The following DLG2 variants were observed in gnomAD, a reference collection of about 807,000 sequenced individuals.
The protein encoded by DLG2 is disks large homolog 2.
Under a neutral mutation model 132.5 loss-of-function variants are expected in DLG2, and 45 were observed. The observed-to-expected ratio is 0.34, with a 90% CI of 0.27 to 0.44. DLG2 has a LOEUF of 0.44. Among genes scored for constraint, DLG2 ranks in the 20% least tolerant of loss-of-function variants. The probability of loss-of-function intolerance (pLI) is 1.00; values close to 1 mark genes in which losing one functional copy is unlikely to be tolerated. For missense variants in DLG2, 1,045 were observed against 1,196.9 expected, an observed-to-expected ratio of 0.87 and a Z score of 1.87; for synonymous variants, 424 against 419.6, an observed-to-expected ratio of 1.01 and a Z score of -0.13.
chr11:83,464,484 A>T (rs1413482854), intron 26 of DLG2, among the ~76,000 whole-genome samples: 1 of 152,184 alleles, frequency 6.6e-6, no homozygotes, highest in Admixed American at 6.5e-5. Flanking sequence ...TAAACATCCA[A>T]CCTTTAGTAG....
At chr11:85,436,585 T>G (rs1026245149) in intron 3 of DLG2, among the ~76,000 whole-genome samples, 1 of 152,046 alleles carries the variant, frequency 6.6e-6, no homozygotes, top group Non-Finnish European at 1.5e-5. Flanking sequence ...ATTAGAGAAA[T>G]GCAAATCCAA....
intron 18 of DLG2, among the ~76,000 whole-genome samples, chr11:83,672,866 GC>G (rs1244717191): frequency 1.3e-5 from 2 of 152,128 alleles, no homozygotes; most frequent in African/African-American, 4.8e-5. Flanking sequence ...TGTGAGACCA[GC>G]CTGACCAACA....
At chr11:83,956,275 G>T (rs1328917065) in intron 14 of DLG2, among the ~76,000 whole-genome samples, 1 of 152,158 alleles carries the variant, frequency 6.6e-6, no homozygotes. Context: ...ACTCAGAAAG[G>T]CTGTCACACC....
At chr11:84,487,069 C>T (rs187992783) in intron 7 of DLG2, among the ~76,000 whole-genome samples, 6 of 152,150 alleles carry the variant, frequency 3.9e-5, no homozygotes, top group East Asian at 1.9e-4. Flanking sequence ...AAATGTCTAG[C>T]GGTCATAGTT....
intron 15 of DLG2, among the ~76,000 whole-genome samples, chr11:83,879,935 A>G (rs894307640): frequency 1.3e-5 from 2 of 152,182 alleles, no homozygotes; most frequent in Admixed American, 1.3e-4. Context: ...TACCTAAGCT[A>G]TGTTTGGAAG....
At chr11:84,854,579 C>A (rs1286594448) in intron 6 of DLG2, among the ~76,000 whole-genome samples, 1 of 151,982 alleles carries the variant, frequency 6.6e-6, no homozygotes, top group East Asian at 1.9e-4. Flanking sequence ...TCCCAGTTAA[C>A]CCAAATCTTT....
chr11:85,417,208 G>C (rs931404481), intron 3 of DLG2, among the ~76,000 whole-genome samples: 4 of 152,084 alleles, frequency 2.6e-5, no homozygotes, highest in Admixed American at 6.6e-5. Context: ...TAATCATGTG[G>C]TTTTTGTCTT....
At chr11:83,580,845 C>T (rs2096960240) in intron 19 of DLG2, among the ~76,000 whole-genome samples, 1 of 118,408 alleles carries the variant, frequency 8.4e-6, no homozygotes, top group Non-Finnish European at 1.7e-5. Flanking sequence ...CTCCCCCATT[C>T]TCCCCTTCCC....
intron 21 of DLG2, 85 bp from the exon 22 acceptor site, chr11:83,484,313 AAGCAC>A (rs2137530444): frequency 2.1e-6 from 2 of 958,402 alleles, no homozygotes; most frequent in South Asian, 2.8e-5. Context: ...TAGTTTGTAA[AAGCAC>A]AGAGAGCTGT....
chr11:83,691,585 T>C (rs1199355770), intron 18 of DLG2, among the ~76,000 whole-genome samples: 3 of 152,174 alleles, frequency 2.0e-5, no homozygotes, highest in African/African-American at 7.2e-5. Context: ...TCAGCCAGCT[T>C]ATCTTCTTTC....
intron 11 of DLG2, among the ~76,000 whole-genome samples, chr11:84,010,328 G>A (rs1025359953): frequency 6.0e-5 from 9 of 149,674 alleles, no homozygotes; most frequent in East Asian, 2.0e-4. Flanking sequence ...TTTTGAGACC[G>A]GATCTAACTG....
At chr11:83,875,112 C>G (rs2064431066) in intron 15 of DLG2, among the ~76,000 whole-genome samples, 2 of 151,976 alleles carry the variant, frequency 1.3e-5, no homozygotes, top group Admixed American at 1.3e-4. Context: ...AAATTTGCAA[C>G]ACTTATTGTA....
In DLG2 at chr11:85,524,732, T is replaced by C. The variant is rs2074606874; in HGVS notation, c.40+73925A>G. On this transcript the variant is annotated intron_variant, in intron 3 of 27. Coordinates refer to ENST00000376104, the MANE Select transcript of DLG2 (RefSeq NM_001142699.3). The stretch of plus-strand genomic sequence containing the variant: ...GGGTCTCAAGCTCCTGGACTCAAGC[T>C]GTCCTCCAACCTCAGCCTTCCAAAG... Among the ~76,000 whole-genome samples, 3 of 152,168 alleles carry C rather than the reference T, an allele frequency of 2.0e-5. No homozygotes were observed. The South Asian group carries it at 6.2e-4, about 31-fold the overall frequency.
chr11:85,539,238 G>A (rs547862930), intron 3 of DLG2, among the ~76,000 whole-genome samples: 5 of 149,722 alleles, frequency 3.3e-5, no homozygotes, highest in African/African-American at 7.6e-5. Flanking sequence ...TAGACTGCTC[G>A]GTCATCCTGA....
intron 10 of DLG2, among the ~76,000 whole-genome samples, chr11:84,063,865 C>CTAA (rs1566299623): frequency 6.7e-6 from 1 of 150,342 alleles, no homozygotes; most frequent in African/African-American, 2.5e-5. Context: ...TCACAAGGAC[C>CTAA]AAAAACCAAA....
chr11:84,310,337 C>T (rs1419344779), intron 7 of DLG2, among the ~76,000 whole-genome samples: 1 of 152,166 alleles, frequency 6.6e-6, no homozygotes, highest in Non-Finnish European at 1.5e-5. Context: ...GTTCCATTTA[C>T]ATCTTCAAAA....
At chr11:84,994,220 C>G (rs999528133) in intron 6 of DLG2, among the ~76,000 whole-genome samples, 1 of 152,164 alleles carries the variant, frequency 6.6e-6, no homozygotes, top group Non-Finnish European at 1.5e-5. Context: ...GAGCCTCAGT[C>G]TCTCTCTCCA....
At chr11:84,551,924 T>C (rs573748001) in intron 6 of DLG2, among the ~76,000 whole-genome samples, 2 of 152,284 alleles carry the variant, frequency 1.3e-5, no homozygotes, top group African/African-American at 4.8e-5. Flanking sequence ...CAGATGAAGA[T>C]GATCCCTCAG....
chr11:84,409,177 C>T (rs184099493), intron 7 of DLG2, among the ~76,000 whole-genome samples: 52 of 152,308 alleles, frequency 3.4e-4, no homozygotes, highest in Admixed American at 2.4e-3. Context: ...GCTCTGAGTG[C>T]TTCTCTATTC....
Sources: gnomAD v4.1 joint callset for allele counts (sites outside exome capture counted in the v4.1 genomes callset) on GRCh38, gnomAD v4.1.1 for gene constraint, MANE v1.5 for transcripts, NCBI Gene and HGNC (gene_info 2026-07-23, HGNC 2026-07-21) for gene names.